Variants in LRCH2 observed in about 807,000 individuals in gnomAD.
LRCH2 encodes the protein leucine rich repeats and calponin homology domain containing 2.
LRCH2 carries 38 observed loss-of-function variants against 68.9 expected under a neutral mutation model. The observed-to-expected ratio is 0.55, with a 90% CI of 0.43 to 0.72. LRCH2 has a LOEUF of 0.72. LRCH2 is among the 30% of genes least tolerant of loss of function. The pLI is 0.00. For synonymous variants in LRCH2, 191 were observed against 208.1 expected (o/e 0.92, Z 0.71); for missense variants, 528 against 572.9 (o/e 0.92, Z 0.80).
intron 3 of LRCH2, among the ~76,000 whole-genome samples, chrX:115,180,424 C>A (rs1006162206): frequency 9.1e-5 from 10 of 109,596 alleles, no homozygotes; most frequent in South Asian, 3.9e-4. Flanking sequence ...TCCATAATAA[C>A]AAATTGAGGT....
chrX:115,191,630 G>A (rs186877600), intron 1 of LRCH2: 79,663 of 1,159,545 alleles, frequency 0.069, 2,169 homozygotes, highest in Non-Finnish European at 0.081. Flanking sequence ...ACCTACAGCC[G>A]GGGCCACGAC....
At position 115,191,756 on chromosome X, in the gene LRCH2, G is replaced by A. The variant is rs782035021; in HGVS notation, c.350-3386C>T. On this transcript the variant is annotated intron_variant, in intron 1 of 20. Transcript: ENST00000317135. ...CATGACAGTTCCAGCCGGAGCCACC[G>A]CTACGGAGGAGGAGGCCGCTACGAG... 2.3e-5 allele frequency: 27 copies of A among 1,159,177 alleles called. No homozygotes were observed. Among genetic ancestry groups the A allele is most frequent in the Middle Eastern group, 4.7e-4 (2 of 4,284 alleles).
intron 12 of LRCH2, among the ~76,000 whole-genome samples, chrX:115,156,121 G>A (rs1438394244): frequency 2.7e-5 from 3 of 111,389 alleles, no homozygotes; most frequent in Non-Finnish European, 5.7e-5. Context: ...TGACTCAGGA[G>A]TTGAGTCTAA....
intron 1 of LRCH2, among the ~76,000 whole-genome samples, chrX:115,224,317 C>G (rs1245515650): frequency 9.0e-6 from 1 of 111,241 alleles, no homozygotes; most frequent in Non-Finnish European, 1.9e-5. Context: ...GGGTGCACAG[C>G]TAACAACCAA....
At chrX:115,170,816 TTAAAG>T (rs2147394604) in intron 5 of LRCH2, among the ~76,000 whole-genome samples, 1 of 111,681 alleles carries the variant, frequency 9.0e-6, no homozygotes, top group Admixed American at 9.5e-5. Flanking sequence ...ATGTGATTCT[TTAAAG>T]TAATCTCATC....
chrX:115,174,255 T>C (rs187147600), intron 5 of LRCH2, among the ~76,000 whole-genome samples: 2 of 111,226 alleles, frequency 1.8e-5, no homozygotes, highest in East Asian at 2.8e-4. Context: ...TCTTAACAAA[T>C]TTCAAGTAAA....
chrX:115,142,163 T>C (rs1203540189), intron 14 of LRCH2, among the ~76,000 whole-genome samples: 1 of 111,869 alleles, frequency 8.9e-6, no homozygotes, highest in Non-Finnish European at 1.9e-5. Flanking sequence ...CTCAGATATA[T>C]AAAGCAAATA....
intron 1 of LRCH2, among the ~76,000 whole-genome samples, chrX:115,218,332 G>A (rs1416587714): frequency 8.9e-6 from 1 of 111,916 alleles, no homozygotes; most frequent in African/African-American, 3.2e-5. Context: ...TTTGAGGCAG[G>A]AGTATAGGAT....
At chrX:115,163,184 T>C (rs1044309024) in intron 11 of LRCH2, among the ~76,000 whole-genome samples, 3 of 111,613 alleles carry the variant, frequency 2.7e-5, no homozygotes, top group Admixed American at 9.6e-5. Flanking sequence ...AACTCCATTC[T>C]AAGGAGTTTA....
intron 5 of LRCH2, among the ~76,000 whole-genome samples, chrX:115,172,172 C>T (rs1443712357): frequency 9.0e-6 from 1 of 111,244 alleles, no homozygotes; most frequent in Non-Finnish European, 1.9e-5. Context: ...ACACCACCAC[C>T]ACCATCCCAG....
At chrX:115,206,301 C>A (rs1416009652) in intron 1 of LRCH2, among the ~76,000 whole-genome samples, 1 of 112,225 alleles carries the variant, frequency 8.9e-6, no homozygotes, top group African/African-American at 3.2e-5. Context: ...TTGCTGGGAA[C>A]AGGCCCCCAA....
chrX:115,138,633 G>A (rs921875984), intron 14 of LRCH2, among the ~76,000 whole-genome samples: 2 of 111,407 alleles, frequency 1.8e-5, no homozygotes, highest in Non-Finnish European at 3.8e-5. Flanking sequence ...AAGAATAAGA[G>A]GATAACTGAA....
chrX:115,132,604 C>T (rs781860665), intron 14 of LRCH2, among the ~76,000 whole-genome samples: 9 of 111,730 alleles, frequency 8.1e-5, no homozygotes, highest in African/African-American at 2.6e-4. Context: ...AAATACAAAA[C>T]GTATTCTTCC....
At chrX:115,220,824 G>A (rs910770680) in intron 1 of LRCH2, among the ~76,000 whole-genome samples, 2 of 110,634 alleles carry the variant, frequency 1.8e-5, no homozygotes, top group African/African-American at 3.3e-5. Flanking sequence ...TTAATGAAGC[G>A]CTAACCTAAA....
At chrX:115,132,828 A>T (rs1324512788) in intron 14 of LRCH2, among the ~76,000 whole-genome samples, 2 of 111,973 alleles carry the variant, frequency 1.8e-5, no homozygotes, top group African/African-American at 3.2e-5. Context: ...GTGATACTTG[A>T]GTGAATATGC....
chrX:115,148,677 A>G (rs1375421766), intron 14 of LRCH2, among the ~76,000 whole-genome samples: 6 of 111,944 alleles, frequency 5.4e-5, no homozygotes, highest in African/African-American at 1.9e-4. Flanking sequence ...ACAGATGTAT[A>G]AAGGGTTAGG....
chrX:115,133,642 A>G (rs2072265107), intron 14 of LRCH2, among the ~76,000 whole-genome samples: 1 of 111,353 alleles, frequency 9.0e-6, no homozygotes, highest in African/African-American at 3.3e-5. Flanking sequence ...CATGTCTGTT[A>G]TGGTGATCTG....
At chrX:115,218,922 C>T (rs782025903) in intron 1 of LRCH2, among the ~76,000 whole-genome samples, 1 of 112,309 alleles carries the variant, frequency 8.9e-6, no homozygotes, top group Non-Finnish European at 1.9e-5. Flanking sequence ...AACCTGGACA[C>T]CCTCCACTGG....
intron 17 of LRCH2, 96 bp downstream of exon 17, chrX:115,123,849 C>T: frequency 2.0e-6 from 1 of 500,250 alleles, no homozygotes; most frequent in East Asian, 4.5e-5. Context: ...GGGAAAGAAT[C>T]TATGTGTACT....
Sources: gnomAD v4.1 joint callset for allele counts (sites outside exome capture counted in the v4.1 genomes callset) on GRCh38, gnomAD v4.1.1 for gene constraint, MANE v1.5 for transcripts, NCBI Gene and HGNC (gene_info 2026-07-23, HGNC 2026-07-21) for gene names.